UVRAG: variants seen among roughly 807,000 people sequenced by gnomAD.
The protein encoded by UVRAG is UV radiation resistance-associated gene protein.
UVRAG carries 19 observed loss-of-function variants against 78.0 expected under a neutral mutation model. That is an observed-to-expected ratio of 0.24 (90% CI 0.17 to 0.36). The LOEUF (loss-of-function observed/expected upper bound fraction) is 0.36. Ranked by LOEUF, UVRAG falls within the 10% of genes least tolerant of loss-of-function variation. UVRAG has a pLI of 1.00. For synonymous variants in UVRAG, 323 were observed against 324.6 expected, an observed-to-expected ratio of 1.00 and a Z score of 0.05; for missense variants, 740 against 853.8, an observed-to-expected ratio of 0.87 and a Z score of 1.66.
intron 14 of UVRAG, among the ~76,000 whole-genome samples, chr11:76,127,540 A>G (rs1435158489): frequency 6.6e-6 from 1 of 151,430 alleles, no homozygotes; most frequent in African/African-American, 2.4e-5. Context: ...AATCCAAGCT[A>G]CTTGAATCGC....
chr11:76,118,725 G>T (rs1372107140), intron 14 of UVRAG, among the ~76,000 whole-genome samples: 1 of 152,046 alleles, frequency 6.6e-6, no homozygotes, highest in Non-Finnish European at 1.5e-5. Context: ...TAATATTTTA[G>T]AATGTCTCCA....
intron 13 of UVRAG, among the ~76,000 whole-genome samples, chr11:76,092,302 G>A (rs980934292): frequency 6.6e-6 from 1 of 152,186 alleles, no homozygotes; most frequent in Non-Finnish European, 1.5e-5. Context: ...AAACATACAT[G>A]TGCATGTGCC....
chr11:75,836,600 C>T (rs1945781478), intron 1 of UVRAG, among the ~76,000 whole-genome samples: 1 of 152,188 alleles, frequency 6.6e-6, no homozygotes, highest in Admixed American at 6.5e-5. Context: ...TGCTTCTTTT[C>T]CACCCACTTC....
At chr11:76,056,243 C>A (rs115840113) in intron 12 of UVRAG, among the ~76,000 whole-genome samples, 1 of 152,312 alleles carries the variant, frequency 6.6e-6, no homozygotes, top group Non-Finnish European at 1.5e-5. Flanking sequence ...ATTGTAGGTT[C>A]TTTCATCCTC....
intron 3 of UVRAG, among the ~76,000 whole-genome samples, chr11:75,869,739 G>A (rs563380794): frequency 6.6e-6 from 1 of 152,334 alleles, no homozygotes; most frequent in South Asian, 2.1e-4. Context: ...GAATAAAAGT[G>A]AATGAGACAG....
At chr11:75,878,291 C>G (rs192952608) in intron 3 of UVRAG, 1 of 199,152 alleles carries the variant, frequency 5.0e-6, no homozygotes, top group Non-Finnish European at 1.0e-5. Flanking sequence ...CTCCTCACTT[C>G]GTAGATGGGA....
intron 7 of UVRAG, among the ~76,000 whole-genome samples, chr11:75,973,730 C>T (rs1349006337): frequency 6.6e-6 from 1 of 152,188 alleles, no homozygotes; most frequent in Non-Finnish European, 1.5e-5. Flanking sequence ...ACGACAGGCC[C>T]TGGTGTGTGG....
At chr11:75,904,075 T>C (rs551371060) in intron 5 of UVRAG, among the ~76,000 whole-genome samples, 1 of 152,330 alleles carries the variant, frequency 6.6e-6, no homozygotes, top group African/African-American at 2.4e-5. Flanking sequence ...TTTTAAAGAA[T>C]TTTAAAGAAA....
chr11:75,858,483 A>T (rs1475281313), intron 2 of UVRAG, among the ~76,000 whole-genome samples: 1 of 152,170 alleles, frequency 6.6e-6, no homozygotes, highest in Non-Finnish European at 1.5e-5. Context: ...CATTGAATAG[A>T]TACACCATAA....
chr11:75,870,956 G>T (rs943201615), intron 3 of UVRAG, among the ~76,000 whole-genome samples: 4 of 151,448 alleles, frequency 2.6e-5, no homozygotes, highest in Non-Finnish European at 5.9e-5. Flanking sequence ...TGCAACCTCC[G>T]CCTCCAAGGT....
At chr11:75,953,875 C>G (rs1184904036) in intron 6 of UVRAG, among the ~76,000 whole-genome samples, 1 of 152,102 alleles carries the variant, frequency 6.6e-6, no homozygotes, top group African/African-American at 2.4e-5. Flanking sequence ...TTTATTTCAG[C>G]TTGAGGATGT....
chr11:75,861,310 C>T (rs1468374452), intron 2 of UVRAG, among the ~76,000 whole-genome samples: 2 of 152,124 alleles, frequency 1.3e-5, no homozygotes, highest in African/African-American at 2.4e-5. Context: ...ACCAGTTAAC[C>T]TAGATTAAAA....
intron 13 of UVRAG, among the ~76,000 whole-genome samples, chr11:76,068,855 A>T (rs1951248617): frequency 6.6e-6 from 1 of 152,226 alleles, no homozygotes; most frequent in Non-Finnish European, 1.5e-5. Context: ...TATGTTGTCA[A>T]AGGGGAGTTT....
At chr11:75,897,754 C>A (rs1323627353) in intron 5 of UVRAG, among the ~76,000 whole-genome samples, 1 of 151,862 alleles carries the variant, frequency 6.6e-6, no homozygotes, top group Non-Finnish European at 1.5e-5. Context: ...GAACTCCTGA[C>A]CTCAAGTGAT....
At chr11:76,123,225 C>T (rs1201304579) in intron 14 of UVRAG, among the ~76,000 whole-genome samples, 2 of 152,176 alleles carry the variant, frequency 1.3e-5, no homozygotes, top group East Asian at 1.9e-4. Context: ...AAATCCAGAG[C>T]GCTGGAAAGA....
At chr11:76,024,881 C>G (rs1023098500) in intron 12 of UVRAG, among the ~76,000 whole-genome samples, 2 of 152,110 alleles carry the variant, frequency 1.3e-5, no homozygotes, top group African/African-American at 4.8e-5. Flanking sequence ...ATCAGATCTT[C>G]ATGGGAGATG....
At chr11:75,827,516 C>T (rs572470651) in intron 1 of UVRAG, among the ~76,000 whole-genome samples, 3 of 152,052 alleles carry the variant, frequency 2.0e-5, no homozygotes, top group South Asian at 4.1e-4. Flanking sequence ...GAGGCTGAGG[C>T]GGGAGAATTG....
chr11:76,137,939 AAGAG>A (rs1181482336), intron 14 of UVRAG, among the ~76,000 whole-genome samples: 6 of 152,158 alleles, frequency 3.9e-5, no homozygotes, highest in Admixed American at 6.5e-5. Context: ...AAAAAATAAA[AAGAG>A]AGAGAACCTT....
At chr11:75,988,520 G>A (rs1250526274) in intron 8 of UVRAG, among the ~76,000 whole-genome samples, 1 of 152,176 alleles carries the variant, frequency 6.6e-6, no homozygotes, top group Non-Finnish European at 1.5e-5. Context: ...AATGGCCATT[G>A]GGTTTGTTTC....
Sources: allele counts gnomAD v4.1 joint callset (sites outside exome capture counted in the v4.1 genomes callset), GRCh38; gene constraint gnomAD v4.1.1; transcripts MANE v1.5; gene names NCBI Gene and HGNC (gene_info 2026-07-23, HGNC 2026-07-21).